Variants in WDR17 observed in about 807,000 individuals in gnomAD.
WDR17 encodes WD repeat domain 17.
In WDR17, 143 loss-of-function variants were observed where a neutral mutation model predicts 161.7. That is an observed-to-expected ratio of 0.88 (90% CI 0.77 to 1.02). WDR17 has a LOEUF of 1.02. WDR17 is among the 50% of genes least tolerant of loss of function. The pLI, the probability that WDR17 is intolerant of heterozygous loss-of-function variation, is 0.00. For missense variants in WDR17, 1,469 were observed against 1,520.9 expected, an observed-to-expected ratio of 0.97 and a Z score of 0.57; for synonymous variants, 517 against 515.6, an observed-to-expected ratio of 1.00 and a Z score of -0.04.
chr4:176,158,409 GA>G (rs2126840087), intron 18 of WDR17, among the ~76,000 whole-genome samples: 1 of 152,306 alleles, frequency 6.6e-6, no homozygotes, highest in African/African-American at 2.4e-5. Context: ...TTTTAGGTTT[GA>G]AAAACTGGAT....
At chr4:176,166,661 C>A (rs1328817287) in intron 22 of WDR17, among the ~76,000 whole-genome samples, 1 of 152,098 alleles carries the variant, frequency 6.6e-6, no homozygotes, top group Non-Finnish European at 1.5e-5. Flanking sequence ...AGAATTTTAG[C>A]ACAGCTATTT....
At position 176,150,039 on chromosome 4, in the gene WDR17, T is replaced by C. The variant is rs1746864829; in HGVS notation, c.2048-4T>C. On this transcript the variant is annotated splice_polypyrimidine_tract_variant and splice_region_variant and intron_variant, in intron 14 of 28. Transcript: ENST00000508596. ...TTTCTCACTGAATTATGTCTGTTCT[T>C]CAGATTATGCTATAGAACCAGGCAC... The C allele has an allele frequency of 2.5e-6, 4 of 1,613,246 alleles. No homozygotes were observed. Among genetic ancestry groups the C allele is most frequent in the Middle Eastern group, 1.6e-4 (1 of 6,078 alleles).
intron 24 of WDR17, 63 bp from the exon 25 acceptor site, chr4:176,173,204 A>G: frequency 9.0e-7 from 1 of 1,105,758 alleles, no homozygotes; most frequent in South Asian, 1.5e-5. Context: ...ATAAGTTAAA[A>G]ATGGATGAAT....
chr4:176,132,346 A>G (rs1342477227), intron 7 of WDR17, among the ~76,000 whole-genome samples: 4 of 152,090 alleles, frequency 2.6e-5, no homozygotes, highest in African/African-American at 9.6e-5. Flanking sequence ...ATGCAATAAT[A>G]CATACTGCGT....
rs1316347988 is a variant in WDR17, at chr4:176,115,989, C to T, written c.307+10C>T. 6.3e-7 allele frequency: 1 copy of T among 1,580,796 alleles called. No individual in the cohort carries two copies. Among genetic ancestry groups the T allele is most frequent in the Admixed American group, 1.9e-5 (1 of 53,816 alleles). On this transcript the variant is annotated intron_variant, in intron 3 of 28. Transcript: ENST00000508596. ...CTCGACAGTACAAAAGGTATAATTA[C>T]AACTGGGATTTATTTTATGGAATAA...
chr4:176,148,961 C>T (rs542702629), intron 13 of WDR17, among the ~76,000 whole-genome samples: 12 of 152,156 alleles, frequency 7.9e-5, no homozygotes, highest in South Asian at 2.1e-4. Flanking sequence ...GAAAAAGTAA[C>T]CTCAATCTAG....
chr4:176,109,891 A>G (rs1460313915), intron 1 of WDR17, among the ~76,000 whole-genome samples: 2 of 152,206 alleles, frequency 1.3e-5, no homozygotes, highest in Non-Finnish European at 2.9e-5. Flanking sequence ...TTTGAGCAGC[A>G]TAAACTAAAT....
rs1243766959 is a variant in WDR17, at chr4:176,181,088, C to T, written c.*1509C>T. The T allele has an allele frequency of 2.0e-5, 3 of 151,942 alleles. No individual in the cohort carries two copies. The highest frequency in any genetic ancestry group is 7.3e-5 in the African/African-American group (3 of 41,368). 9.4% of individuals were successfully genotyped at this position (151,942 alleles called of 1,614,324 possible). ...TTTTAAAACCTTCTTAACAAAACTT[C>T]TTAAAACTGGAAAAAATATATATTA... On this transcript the variant is annotated 3_prime_UTR_variant, in exon 29 of 29. Transcript: ENST00000508596.
intron 11 of WDR17, among the ~76,000 whole-genome samples, chr4:176,144,257 T>G (rs1014230739): frequency 6.6e-6 from 1 of 152,208 alleles, no homozygotes; most frequent in Non-Finnish European, 1.5e-5. Flanking sequence ...TCCCATATAA[T>G]ATGCCTTTGG....
intron 22 of WDR17, among the ~76,000 whole-genome samples, chr4:176,165,182 A>G (rs60018560): frequency 6.8e-6 from 1 of 147,454 alleles, no homozygotes; most frequent in East Asian, 2.0e-4. Flanking sequence ...AAAAAAAAAA[A>G]CCCATTACTA....
chr4:176,161,968 A>G (rs1749090336), intron 20 of WDR17, 107 bp from the exon 21 acceptor site: 1 of 953,252 alleles, frequency 1.0e-6, no homozygotes, highest in Non-Finnish European at 1.5e-6. Context: ...CAAGCATGTC[A>G]AATTAAATTT....
intron 1 of WDR17, among the ~76,000 whole-genome samples, chr4:176,081,755 A>G (rs2126593859): frequency 6.6e-6 from 1 of 152,282 alleles, no homozygotes. Context: ...GCAGGAGAAT[A>G]ACACCATAGA....
chr4:176,083,925 T>C (rs1255125094), intron 1 of WDR17, among the ~76,000 whole-genome samples: 3 of 152,160 alleles, frequency 2.0e-5, no homozygotes, highest in African/African-American at 7.2e-5. Flanking sequence ...ACTGGTGTTA[T>C]TGAGCAACTG....
At chr4:176,087,083 A>G (rs1735514104) in intron 1 of WDR17, among the ~76,000 whole-genome samples, 1 of 151,940 alleles carries the variant, frequency 6.6e-6, no homozygotes, top group Non-Finnish European at 1.5e-5. Flanking sequence ...ATAAGACATT[A>G]CAATGATCAT....
At chr4:176,097,198 TA>T (rs1490105163) in intron 1 of WDR17, among the ~76,000 whole-genome samples, 1 of 152,004 alleles carries the variant, frequency 6.6e-6, no homozygotes, top group African/African-American at 2.4e-5. Flanking sequence ...TCTAGAATAA[TA>T]TATGATTTCT....
chr4:176,104,261 G>A (rs2126669786), intron 1 of WDR17, among the ~76,000 whole-genome samples: 2 of 152,140 alleles, frequency 1.3e-5, no homozygotes, highest in East Asian at 3.9e-4. Flanking sequence ...TGGAAGAAAT[G>A]CTCAAGGAAG....
At chr4:176,154,342 G>A (rs572431742) in intron 17 of WDR17, among the ~76,000 whole-genome samples, 15 of 152,230 alleles carry the variant, frequency 9.9e-5, no homozygotes, top group Middle Eastern at 3.4e-3. Context: ...TTAGCTGGGC[G>A]TGGTGGCGGG....
Position 176,150,131 on chromosome 4 carries a change from T to A in WDR17, c.2136T>A (p.Asn712Lys). ...IRQEIEKLTA[N>K]SQVKKLRWFS... ...AGGAAATAGAAAAACTAACTGCTAA[T>A]TCTCAAGTGAAAAAACTAAGATGGT... The change falls in exon 15 of 29, where the codon AAT (asparagine) becomes AAA (lysine). Residue 712 changes from asparagine to lysine, a missense_variant. Coordinates refer to ENST00000508596, the MANE Select transcript of WDR17 (RefSeq NM_181265.4). The A allele has an allele frequency of 6.2e-7, 1 of 1,613,828 alleles. No individual in the cohort carries two copies. The highest frequency in any genetic ancestry group is 8.5e-7 in the Non-Finnish European group (1 of 1,179,944).
intron 22 of WDR17, among the ~76,000 whole-genome samples, chr4:176,167,658 A>ACAAAAC (rs150497533): frequency 2.4e-4 from 17 of 69,672 alleles, no homozygotes; most frequent in African/African-American, 7.5e-4. Flanking sequence ...AAAAAAAAAA[A>ACAAAAC]AAAAAAAAAA....
Sources: allele counts gnomAD v4.1 joint callset (sites outside exome capture counted in the v4.1 genomes callset), GRCh38; gene constraint gnomAD v4.1.1; transcripts MANE v1.5; gene names NCBI Gene and HGNC (gene_info 2026-07-23, HGNC 2026-07-21).